Variants in C12orf60 observed in about 807,000 individuals in gnomAD.
C12orf60 encodes uncharacterized protein C12orf60.
For synonymous variants in C12orf60, 102 were observed against 94.6 expected (o/e 1.08, Z -0.45); for missense variants, 284 against 283.2 (o/e 1.00, Z -0.02).
At chr12:14,817,754 A>C (rs1466963769) in intron 1 of C12orf60, among the ~76,000 whole-genome samples, 1 of 152,048 alleles carries the variant, frequency 6.6e-6, no homozygotes, top group East Asian at 1.9e-4. Context: ...GGTTGGTTCC[A>C]TGTCTTTGCT....
At chr12:14,822,762 A>C in intron 1 of C12orf60, 150 bp from the exon 2 acceptor site, 2 of 583,128 alleles carry the variant, frequency 3.4e-6, no homozygotes, top group Non-Finnish European at 5.7e-6. Context: ...ATTTTTATTG[A>C]AGCATAGTAC....
At chr12:14,819,344 C>A (rs1950271769) in intron 1 of C12orf60, among the ~76,000 whole-genome samples, 1 of 152,002 alleles carries the variant, frequency 6.6e-6, no homozygotes, top group Admixed American at 6.5e-5. Flanking sequence ...ATTGTTCATT[C>A]CTAGTGAATA....
At chr12:14,818,328 T>A (rs1332978512) in intron 1 of C12orf60, among the ~76,000 whole-genome samples, 1 of 152,242 alleles carries the variant, frequency 6.6e-6, no homozygotes, top group African/African-American at 2.4e-5. Context: ...TTTAATTAGA[T>A]TCCATTTGTC....
chr12:14,822,589 A>AT (rs1387060481), intron 1 of C12orf60, among the ~76,000 whole-genome samples: 1 of 152,158 alleles, frequency 6.6e-6, no homozygotes, highest in Non-Finnish European at 1.5e-5. Flanking sequence ...TTTATCCAGT[A>AT]TTTTTCACTA....
intron 1 of C12orf60, chr12:14,806,641 T>A (rs1950056247): frequency 6.2e-7 from 1 of 1,609,468 alleles, no homozygotes; most frequent in Admixed American, 1.7e-5. Flanking sequence ...TCTTCCCGCC[T>A]TTTTGGGTTC....
intron 1 of C12orf60, among the ~76,000 whole-genome samples, chr12:14,819,619 T>C (rs1950275128): frequency 6.6e-6 from 1 of 152,142 alleles, no homozygotes; most frequent in African/African-American, 2.4e-5. Context: ...AACTAGTCTT[T>C]TATTATGTTA....
intron 1 of C12orf60, 116 bp from the exon 2 acceptor site, chr12:14,822,796 A>G: frequency 1.2e-6 from 1 of 816,034 alleles, no homozygotes; most frequent in South Asian, 2.0e-5. Context: ...ACGTATGTAT[A>G]GCTTTCCTGC....
intron 1 of C12orf60, among the ~76,000 whole-genome samples, chr12:14,812,570 C>T (rs1167671925): frequency 6.6e-6 from 1 of 151,912 alleles, no homozygotes; most frequent in Non-Finnish European, 1.5e-5. Flanking sequence ...GATTTTTTTT[C>T]CTCCATTATC....
At position 14,822,794 on chromosome 12, in the gene C12orf60, A is replaced by G. The variant is rs1216873870; in HGVS notation, c.-24-118A>G. 10 of 796,036 alleles carry G rather than the reference A, an allele frequency of 1.3e-5. No homozygotes were observed. The Admixed American group carries it at 2.7e-4, about 21-fold the overall frequency. 49.3% of individuals were successfully genotyped at this position (796,036 alleles called of 1,614,324 possible). A position where few individuals can be genotyped will look rare whatever the true frequency, so the allele number is the denominator to read the frequency against. ...GTACCATTTTTGTTTCAACGTATGT[A>G]TAGCTTTCCTGCCCTTGGCAGGGGG... On this transcript the variant is annotated intron_variant, in intron 1 of 1. Coordinates refer to ENST00000330828, the MANE Select transcript of C12orf60 (RefSeq NM_175874.4).
At chr12:14,807,370 G>A (rs1950069228) in intron 1 of C12orf60, among the ~76,000 whole-genome samples, 1 of 152,118 alleles carries the variant, frequency 6.6e-6, no homozygotes, top group Non-Finnish European at 1.5e-5. Context: ...TTGATTACTA[G>A]TGCTCCTTAG....
At chr12:14,807,811 G>C (rs1381186679) in intron 1 of C12orf60, among the ~76,000 whole-genome samples, 1 of 151,956 alleles carries the variant, frequency 6.6e-6, no homozygotes, top group Non-Finnish European at 1.5e-5. Flanking sequence ...TATCGCACTT[G>C]GGCATTATTT....
chr12:14,804,992 A>G (rs758288989), intron 1 of C12orf60: 4 of 152,204 alleles, frequency 2.6e-5, no homozygotes, highest in Non-Finnish European at 5.9e-5. Context: ...GATTTAGAAA[A>G]CAAACACATC....
Position 14,823,790 on chromosome 12 carries a change from C to A in C12orf60, c.*117C>A. 2 of 872,658 alleles carry A rather than the reference C, an allele frequency of 2.3e-6. No homozygotes were observed. The highest frequency in any genetic ancestry group is 3.7e-5 in the South Asian group (1 of 26,962). The allele number at this position is 872,658 out of a possible 1,614,324, so 54.1% of individuals were successfully genotyped here. On this transcript the variant is annotated 3_prime_UTR_variant, in exon 2 of 2. Coordinates refer to ENST00000330828, the MANE Select transcript of C12orf60 (RefSeq NM_175874.4). ...TGTGCTATGTTAGAACATAAGTACA[C>A]AAAAGTCATCTGGCAAAACATTTAC...
In C12orf60 at chr12:14,808,137, C is replaced by T. The variant is rs573027077; in HGVS notation, c.-25+4386C>T. ...CCAAGATGGTGCCACTGCACTCCAG[C>T]CTGGGCAACAGAGCGAGACTTTGTC... On this transcript the variant is annotated intron_variant, in intron 1 of 1. Coordinates refer to ENST00000330828, the MANE Select transcript of C12orf60 (RefSeq NM_175874.4). 2.6e-5 allele frequency among the ~76,000 whole-genome samples: 4 copies of T among 151,922 alleles called. No homozygotes were observed. The South Asian group carries it at 6.2e-4, about 24-fold the overall frequency.
intron 1 of C12orf60, among the ~76,000 whole-genome samples, chr12:14,817,433 T>C (rs189438472): frequency 8.3e-4 from 126 of 152,304 alleles, no homozygotes; most frequent in South Asian, 6.2e-4. Flanking sequence ...ACATGTGCCA[T>C]GGTGGTTTGC....
Position 14,806,212 on chromosome 12 carries a change from C to T in C12orf60, c.-25+2461C>T, listed in dbSNP as rs1336686069. ...ACTCCAATACTACCAAGGAGAGAAG[C>T]ACCAATTTGAGCTAACACAGTGACC... On this transcript the variant is annotated intron_variant, in intron 1 of 1. Coordinates refer to ENST00000330828, the MANE Select transcript of C12orf60 (RefSeq NM_175874.4). 13 of 1,614,164 alleles carry T rather than the reference C, an allele frequency of 8.1e-6. 1 individual carries two copies. Among genetic ancestry groups the T allele is most frequent in the Non-Finnish European group, 1.1e-5 (13 of 1,180,040 alleles).
At chr12:14,806,894 C>T (rs1391708313) in intron 1 of C12orf60, among the ~76,000 whole-genome samples, 2 of 152,112 alleles carry the variant, frequency 1.3e-5, no homozygotes, top group East Asian at 1.9e-4. Context: ...TGCAGTGGTG[C>T]GATCTCAGCT....
At chr12:14,818,404 C>G (rs1950255728) in intron 1 of C12orf60, among the ~76,000 whole-genome samples, 1 of 152,206 alleles carries the variant, frequency 6.6e-6, no homozygotes, top group Non-Finnish European at 1.5e-5. Flanking sequence ...ATGCCTATGT[C>G]CTGAATGGTA....
At chr12:14,818,630 T>A (rs1217004354) in intron 1 of C12orf60, among the ~76,000 whole-genome samples, 2 of 151,778 alleles carry the variant, frequency 1.3e-5, no homozygotes, top group Non-Finnish European at 2.9e-5. Flanking sequence ...ATACAAAAAA[T>A]TTAGCTGGAC....
Sources: gnomAD v4.1 joint callset for allele counts (sites outside exome capture counted in the v4.1 genomes callset) on GRCh38, gnomAD v4.1.1 for gene constraint, MANE v1.5 for transcripts, NCBI Gene and HGNC (gene_info 2026-07-23, HGNC 2026-07-21) for gene names.